MIAT: variants seen among roughly 807,000 people sequenced by gnomAD.
MIAT encodes the protein myocardial infarction associated transcript.
At chr22:26,653,812 TCA>T (rs1383597949) in intron 2 of MIAT, among the ~76,000 whole-genome samples, 1 of 152,168 alleles carries the variant, frequency 6.6e-6, no homozygotes, top group Non-Finnish European at 1.5e-5. Flanking sequence ...CGATCTCAGG[TCA>T]CTGCAACTTC....
chr22:26,672,708 C>T (rs943581142), downstream of MIAT: 26 of 399,048 alleles, frequency 6.5e-5, no homozygotes, highest in African/African-American at 5.1e-4. Flanking sequence ...GTGCCCCTCA[C>T]CGGAAATTAG....
chr22:26,649,373 A>C (rs1230685856), intron 2 of MIAT, among the ~76,000 whole-genome samples: 3 of 152,232 alleles, frequency 2.0e-5, no homozygotes, highest in African/African-American at 7.2e-5. Context: ...GTCAGGTGGC[A>C]AAGAGCCTGG....
At chr22:26,669,908 C>T (rs78284211), downstream of MIAT, 398 of 398,690 alleles carry the variant, frequency 1.0e-3, 6 homozygotes, top group East Asian at 0.013. Flanking sequence ...TCTGAGCCTC[C>T]GATGCTCTGT....
intron 2 of MIAT, among the ~76,000 whole-genome samples, chr22:26,654,201 T>C (rs980034061): frequency 6.6e-6 from 1 of 152,210 alleles, no homozygotes; most frequent in South Asian, 2.1e-4. Flanking sequence ...CTCTGGTGTC[T>C]GGCTTTCAAG....
intron 2 of MIAT, among the ~76,000 whole-genome samples, chr22:26,650,736 G>A (rs1930323125): frequency 6.6e-6 from 1 of 152,196 alleles, no homozygotes; most frequent in Non-Finnish European, 1.5e-5. Flanking sequence ...TGGCAGTGGG[G>A]TCATTGTTCA....
chr22:26,670,029 C>G (rs1208832572), downstream of MIAT: 4 of 396,654 alleles, frequency 1.0e-5, no homozygotes, highest in Non-Finnish European at 1.8e-5. Flanking sequence ...TCCCATCCAT[C>G]TGGGAGTATA....
At chr22:26,652,171 G>A (rs1193675471) in intron 2 of MIAT, among the ~76,000 whole-genome samples, 1 of 152,004 alleles carries the variant, frequency 6.6e-6, no homozygotes, top group East Asian at 1.9e-4. Context: ...TATTTAAAAG[G>A]TCTCTGTAGA....
At chr22:26,668,675 C>T in exon 6 of MIAT, 1 of 399,150 alleles carries the variant, frequency 2.5e-6, no homozygotes, top group South Asian at 1.3e-4. Flanking sequence ...GCAGATGCAG[C>T]TCCTCGGGTG....
chr22:26,654,675 A>G (rs756103256), intron 2 of MIAT, among the ~76,000 whole-genome samples: 45 of 152,170 alleles, frequency 3.0e-4, no homozygotes, highest in Non-Finnish European at 5.4e-4. Flanking sequence ...CCTGGGCAAC[A>G]GGGCAAGACC....
intron 2 of MIAT, among the ~76,000 whole-genome samples, chr22:26,662,022 T>TAGGAG: frequency 2.1e-5 from 3 of 145,550 alleles, no homozygotes; most frequent in Non-Finnish European, 4.5e-5. Flanking sequence ...AGTGGAGCAA[T>TAGGAG]CGCGGTTCAC....
intron 2 of MIAT, chr22:26,657,489 A>G (rs1280936193): frequency 7.5e-6 from 3 of 398,536 alleles, no homozygotes; most frequent in East Asian, 3.6e-5. Context: ...CAGCAGCTAC[A>G]AAGACGACGC....
chr22:26,650,185 A>G (rs4820693), intron 2 of MIAT: 136,988 of 152,240 alleles, frequency 0.9, 61,758 homozygotes, highest in East Asian at 1. Flanking sequence ...TGACAGGACC[A>G]ATGTCCTTAT....
At chr22:26,661,765 A>G (rs1930669953) in intron 2 of MIAT, among the ~76,000 whole-genome samples, 1 of 151,866 alleles carries the variant, frequency 6.6e-6, no homozygotes, top group Non-Finnish European at 1.5e-5. Flanking sequence ...TGTGAAAGCA[A>G]CCGGCATAAA....
chr22:26,654,753 C>A (rs1193728677), intron 2 of MIAT, among the ~76,000 whole-genome samples: 3 of 152,014 alleles, frequency 2.0e-5, no homozygotes, highest in African/African-American at 7.3e-5. Flanking sequence ...CACTTTGTTG[C>A]CCAGGCTGGA....
rs371510526 is a variant in MIAT, at chr22:26,654,872, C to T, written n.646+7561C>T. The stretch of plus-strand genomic sequence containing the variant: ...GACTACAGGTGCCTACCACCATGCC[C>T]GGCTAATTTTTTGTATTTTTTAGTA... On this transcript the variant is annotated intron_variant and non_coding_transcript_variant, in intron 2 of 5. Transcript: ENST00000643270. Among the ~76,000 whole-genome samples, 218 of 152,134 alleles carry T rather than the reference C, an allele frequency of 1.4e-3. 3 individuals carry two copies. The highest frequency in any genetic ancestry group is 9.9e-4 in the Non-Finnish European group (67 of 67,982).
At chr22:26,666,380 G>A (rs1569222254) in exon 4 of MIAT, 6 of 398,590 alleles carry the variant, frequency 1.5e-5, no homozygotes, top group Admixed American at 4.4e-5. Flanking sequence ...GGGAGAAGGA[G>A]GGGGAGCAGA....
downstream of MIAT, chr22:26,669,663 G>T: frequency 2.5e-6 from 1 of 398,860 alleles, no homozygotes. Flanking sequence ...CCGCAAACAT[G>T]GAAAGTCAGA....
chr22:26,651,837 C>T (rs910015889), intron 2 of MIAT, among the ~76,000 whole-genome samples: 6 of 152,170 alleles, frequency 3.9e-5, no homozygotes, highest in African/African-American at 1.4e-4. Context: ...GGGAAGTAAC[C>T]GCTTAAGGGT....
intron 2 of MIAT, among the ~76,000 whole-genome samples, chr22:26,662,469 T>A (rs1007929270): frequency 1.3e-5 from 2 of 152,226 alleles, no homozygotes; most frequent in Non-Finnish European, 2.9e-5. Context: ...TTCTTCTTGG[T>A]TTTCTTTCCT....
Sources: gnomAD v4.1 joint callset for allele counts (sites outside exome capture counted in the v4.1 genomes callset) on GRCh38, gnomAD v4.1.1 for gene constraint, MANE v1.5 for transcripts, NCBI Gene and HGNC (gene_info 2026-07-23, HGNC 2026-07-21) for gene names.